EFNB2: variants seen among roughly 807,000 people sequenced by gnomAD.
EFNB2 encodes the protein ephrin-B2.
Under a neutral mutation model 32.1 loss-of-function variants are expected in EFNB2, and 5 were observed. The observed-to-expected ratio is 0.16, with a 90% CI of 0.08 to 0.33. EFNB2 has a LOEUF of 0.33. Among genes scored for constraint, EFNB2 ranks in the 10% least tolerant of loss-of-function variants. The pLI is 1.00. For missense variants in EFNB2, 263 were observed against 422.6 expected (o/e 0.62, Z 3.31); for synonymous variants, 168 against 166.5 (o/e 1.01, Z -0.07).
intron 1 of EFNB2, chr13:106,519,560 A>G (rs1223710967): frequency 2.0e-5 from 3 of 152,230 alleles, no homozygotes; most frequent in African/African-American, 7.2e-5. Context: ...TTTCAAAATT[A>G]TACCATTAGT....
chr13:106,508,389 A>G (rs1464597338), intron 2 of EFNB2, among the ~76,000 whole-genome samples: 1 of 152,232 alleles, frequency 6.6e-6, no homozygotes, highest in Non-Finnish European at 1.5e-5. Context: ...GAGGTTAGGT[A>G]AATTAGCTAC....
intron 2 of EFNB2, chr13:106,510,190 AAG>A (rs1278804445): frequency 6.6e-6 from 1 of 152,204 alleles, no homozygotes; most frequent in Non-Finnish European, 1.5e-5. Context: ...GTGTGGTATG[AAG>A]AGTTTCCAAA....
intron 1 of EFNB2, chr13:106,516,255 G>C (rs914028234): frequency 2.6e-5 from 4 of 152,230 alleles, no homozygotes; most frequent in Non-Finnish European, 5.9e-5. Context: ...GGAGAGCAAG[G>C]AGCCCTGCAG....
intron 2 of EFNB2, among the ~76,000 whole-genome samples, chr13:106,508,355 T>A (rs535423847): frequency 6.6e-6 from 1 of 152,202 alleles, no homozygotes; most frequent in East Asian, 1.9e-4. Context: ...AAAAAAAACT[T>A]TAAAGACAAT....
In EFNB2 at chr13:106,512,838, T is replaced by C. The variant is rs531211983; in HGVS notation, c.123-26A>G. ...CTAAAAGCATAAGAAAAAAAAGCCATTGAGTTGATAAAAATTAACAGTATT... is the reference window on the plus strand; with the variant it reads ...CTAAAAGCATAAGAAAAAAAAGCCACTGAGTTGATAAAAATTAACAGTATT... On this transcript the variant is annotated intron_variant, in intron 1 of 4. Coordinates refer to ENST00000646441, the MANE Select transcript of EFNB2 (RefSeq NM_004093.4). The C allele has an allele frequency of 3.5e-5, 53 of 1,533,974 alleles. No individual in the cohort carries two copies. In the Admixed American group the frequency reaches 5.7e-4, roughly 17 times the overall value.
intron 2 of EFNB2, among the ~76,000 whole-genome samples, chr13:106,505,199 A>G (rs573298124): frequency 2.6e-5 from 4 of 152,312 alleles, no homozygotes; most frequent in Non-Finnish European, 4.4e-5. Context: ...TGCTGTTGCT[A>G]TGTATGCAAC....
intron 1 of EFNB2, among the ~76,000 whole-genome samples, chr13:106,515,850 A>G (rs529247542): frequency 6.6e-6 from 1 of 152,274 alleles, no homozygotes; most frequent in Non-Finnish European, 1.5e-5. Context: ...GCACCATGGC[A>G]GCAAACAACA....
At chr13:106,534,240 C>T (rs866544357) in intron 1 of EFNB2, among the ~76,000 whole-genome samples, 3 of 152,178 alleles carry the variant, frequency 2.0e-5, no homozygotes, top group African/African-American at 7.2e-5. Flanking sequence ...GGAAAGGGCT[C>T]GACGCCCGAG....
chr13:106,533,013 G>A (rs1177900455), intron 1 of EFNB2, among the ~76,000 whole-genome samples: 1 of 151,486 alleles, frequency 6.6e-6, no homozygotes, highest in African/African-American at 2.4e-5. Flanking sequence ...ATAGCGCAAA[G>A]ATAAAGATAC....
intron 1 of EFNB2, chr13:106,516,727 G>T (rs1879325300): frequency 6.6e-6 from 1 of 152,212 alleles, no homozygotes; most frequent in East Asian, 1.9e-4. Flanking sequence ...CACATCAGTG[G>T]TGCCTGAAGG....
intron 1 of EFNB2, chr13:106,520,059 T>C (rs1331289503): frequency 1.3e-5 from 2 of 152,322 alleles, no homozygotes; most frequent in East Asian, 3.9e-4. Context: ...ATACAATTTA[T>C]GCTTAATCAT....
intron 1 of EFNB2, among the ~76,000 whole-genome samples, chr13:106,534,149 TACC>T (rs1278914316): frequency 6.6e-6 from 1 of 152,100 alleles, no homozygotes; most frequent in Non-Finnish European, 1.5e-5. Flanking sequence ...ACTCCGGGGC[TACC>T]GGCTTATGAA....
intron 2 of EFNB2, among the ~76,000 whole-genome samples, chr13:106,504,936 G>A (rs1878902233): frequency 6.6e-6 from 1 of 152,042 alleles, no homozygotes; most frequent in South Asian, 2.1e-4. Context: ...AAATAGTATA[G>A]ATTTATTGAA....
rs184871687 is a variant in EFNB2, at chr13:106,494,443, A to G, written c.613+438T>C. Among the ~76,000 whole-genome samples the G allele has an allele frequency of 1.3e-4, 20 of 152,348 alleles. No homozygotes were observed. In the East Asian group the frequency reaches 2.9e-3, roughly 22 times the overall value. On this transcript the variant is annotated intron_variant, in intron 4 of 4. Coordinates refer to ENST00000646441, the MANE Select transcript of EFNB2 (RefSeq NM_004093.4). ...AACGATAACCACCTGAAAAAATACTATTATGCAATATTTAAAAATGTTACC... is the reference window on the plus strand; with the variant it reads ...AACGATAACCACCTGAAAAAATACTGTTATGCAATATTTAAAAATGTTACC...
At chr13:106,501,520 T>C (rs1411086700) in intron 2 of EFNB2, among the ~76,000 whole-genome samples, 1 of 152,160 alleles carries the variant, frequency 6.6e-6, no homozygotes, top group Non-Finnish European at 1.5e-5. Context: ...TGCCTTATCT[T>C]AGAGCAAGTT....
rs1396284574 is a variant in EFNB2, at chr13:106,518,805, A to G, written c.123-5993T>C. 3.3e-5 allele frequency: 5 copies of G among 152,088 alleles called. No homozygotes were observed. The highest frequency in any genetic ancestry group is 1.2e-4 in the African/African-American group (5 of 41,354). 9.4% of individuals were successfully genotyped at this position (152,088 alleles called of 1,614,324 possible). ...TTTTCCCTGCTTCTTTCTTCCTCTG[A>G]CCATACTACACGCACCTTAGCACAA... On this transcript the variant is annotated intron_variant, in intron 1 of 4. Transcript: ENST00000646441. This position sits in a 1 kb window ranked among gnomAD's most constrained non-coding sequence, Gnocchi z 4.1.
At chr13:106,496,199 T>C (rs1466761442) in intron 2 of EFNB2, among the ~76,000 whole-genome samples, 1 of 152,134 alleles carries the variant, frequency 6.6e-6, no homozygotes, top group Admixed American at 6.5e-5. Context: ...AGCAAAATAG[T>C]TAATGCAGCC....
chr13:106,498,459 T>A (rs1045555370), intron 2 of EFNB2, among the ~76,000 whole-genome samples: 1 of 152,158 alleles, frequency 6.6e-6, no homozygotes. Context: ...CTTTTCTGAA[T>A]ATCAATGCTT....
At chr13:106,511,522 G>A (rs9514544) in intron 2 of EFNB2, among the ~76,000 whole-genome samples, 81,354 of 151,922 alleles carry the variant, frequency 0.54, 22,833 homozygotes, top group East Asian at 0.61. Flanking sequence ...CATAGGTTGA[G>A]ATGCAAGAGT....
Sources: gnomAD v4.1 joint callset for allele counts (sites outside exome capture counted in the v4.1 genomes callset) on GRCh38, gnomAD v4.1.1 for gene constraint, Gnocchi (gnomAD v3.1) non-coding constraint, MANE v1.5 for transcripts, NCBI Gene and HGNC (gene_info 2026-07-23, HGNC 2026-07-21) for gene names.